The following GPHN variants were observed in gnomAD, a reference collection of about 807,000 sequenced individuals.
GPHN encodes the protein gephyrin.
GPHN carries 17 observed loss-of-function variants against 95.5 expected under a neutral mutation model. The observed-to-expected ratio is 0.18, with a 90% CI of 0.12 to 0.27. The LOEUF is 0.27. Among genes scored for constraint, GPHN ranks in the 10% least tolerant of loss-of-function variants. The probability of loss-of-function intolerance (pLI) is 1.00; values close to 1 mark genes in which losing one functional copy is unlikely to be tolerated. For synonymous variants in GPHN, 320 were observed against 322.5 expected (o/e 0.99, Z 0.08); for missense variants, 660 against 978.1 (o/e 0.67, Z 4.34).
rs989272221 is a variant in GPHN at position 67,031,456 on chromosome 14, G to A, written c.1006+7781G>A. Among the ~76,000 whole-genome samples the A allele has an allele frequency of 2.1e-4, 32 of 152,062 alleles. 1 individual carries two copies. The highest frequency in any genetic ancestry group is 7.7e-4 in the African/African-American group (32 of 41,480). On this transcript the variant is annotated intron_variant, in intron 10 of 22. Transcript: ENST00000478722. ...AGATTACCTTTCTTTATATAACTAAGGATAATTAGCAATTGACTTCCATAA... is the reference window on the plus strand; with the variant it reads ...AGATTACCTTTCTTTATATAACTAAAGATAATTAGCAATTGACTTCCATAA...
the GPHN span, among the ~76,000 whole-genome samples, chr14:67,553,141 A>C: frequency 7.2e-6 from 1 of 138,260 alleles, no homozygotes; most frequent in Non-Finnish European, 1.7e-5. Context: ...AGATGAAGTC[A>C]GAAAATATCA....
At chr14:67,451,348 G>A in the GPHN span, among the ~76,000 whole-genome samples, 1 of 152,188 alleles carries the variant, frequency 6.6e-6, no homozygotes, top group Non-Finnish European at 1.5e-5. Context: ...CATCCTCCAG[G>A]CCCCAGAATG....
At chr14:66,831,170 T>A (rs2061563484) in intron 4 of GPHN, among the ~76,000 whole-genome samples, 2 of 152,108 alleles carry the variant, frequency 1.3e-5, no homozygotes, top group Non-Finnish European at 2.9e-5. Flanking sequence ...ATTTTCACAA[T>A]CAGAAAACAC....
At chr14:67,166,814 C>T (rs1242564476) in intron 20 of GPHN, among the ~76,000 whole-genome samples, 4 of 152,250 alleles carry the variant, frequency 2.6e-5, no homozygotes, top group Non-Finnish European at 5.9e-5. Context: ...GGACTATAGG[C>T]GCTTGCTACC....
At chr14:67,301,157 T>G in the GPHN span, among the ~76,000 whole-genome samples, 1 of 152,184 alleles carries the variant, frequency 6.6e-6, no homozygotes, top group Admixed American at 6.5e-5. Context: ...ATGGAAGTAT[T>G]TTGTCTATAG....
intron 17 of GPHN, among the ~76,000 whole-genome samples, chr14:67,134,895 CTTT>C (rs893258977): frequency 3.9e-4 from 41 of 106,460 alleles, no homozygotes; most frequent in African/African-American, 1.3e-3. Flanking sequence ...CTTTTTTCTT[CTTT>C]ATCTTTCCTT....
At chr14:66,934,772 ACCACT>A (rs2067016083) in intron 8 of GPHN, among the ~76,000 whole-genome samples, 1 of 152,166 alleles carries the variant, frequency 6.6e-6, no homozygotes, top group African/African-American at 2.4e-5. Flanking sequence ...CATTTTGTGA[ACCACT>A]CATTCAAGCC....
At chr14:67,625,430 G>A in the GPHN span, among the ~76,000 whole-genome samples, 2 of 152,140 alleles carry the variant, frequency 1.3e-5, no homozygotes, top group African/African-American at 4.8e-5. Context: ...TGTAATCCCA[G>A]CACTTTGGGA....
At chr14:66,579,224 A>C (rs780048621) in intron 1 of GPHN, among the ~76,000 whole-genome samples, 2 of 151,966 alleles carry the variant, frequency 1.3e-5, no homozygotes, top group African/African-American at 2.4e-5. Flanking sequence ...TAAGTAAGAA[A>C]TCAAAGCATA....
chr14:66,826,996 G>A (rs1701875413), intron 4 of GPHN, among the ~76,000 whole-genome samples: 1 of 152,044 alleles, frequency 6.6e-6, no homozygotes, highest in Non-Finnish European at 1.5e-5. Context: ...GATCTGAAGA[G>A]GTTTGGGCCT....
At chr14:67,308,429 G>A in the GPHN span, among the ~76,000 whole-genome samples, 2 of 150,952 alleles carry the variant, frequency 1.3e-5, no homozygotes, top group South Asian at 2.1e-4. Flanking sequence ...TGTCTCCCAA[G>A]TACACTGTCC....
chr14:67,082,905 G>A (rs1298952869), intron 11 of GPHN, among the ~76,000 whole-genome samples: 1 of 152,066 alleles, frequency 6.6e-6, no homozygotes, highest in South Asian at 2.1e-4. Context: ...GGATATTTAG[G>A]TTTCCATCTT....
Position 66,923,013 on chromosome 14 carries a change from G to A in GPHN, c.729+75G>A, listed in dbSNP as rs565848408. The A allele has an allele frequency of 3.6e-5, 45 of 1,258,002 alleles. No individual in the cohort carries two copies. In the East Asian group the frequency reaches 7.6e-4, roughly 21 times the overall value. The allele number at this position is 1,258,002 out of a possible 1,614,324, so 77.9% of individuals were successfully genotyped here. ...GTACTGGTTTCATCTGTTTTGCATC[G>A]CATCCCTCCCTACATTTAATACTTC... On this transcript the variant is annotated intron_variant, in intron 7 of 22. Transcript: ENST00000478722.
chr14:67,359,442 C>T, the GPHN span, among the ~76,000 whole-genome samples: 23,527 of 151,924 alleles, frequency 0.15, 3,445 homozygotes, highest in East Asian at 0.42. Context: ...GGCGCCTTTT[C>T]CTACCGGCTG....
At chr14:67,644,416 T>G in the GPHN span, among the ~76,000 whole-genome samples, 69 of 152,218 alleles carry the variant, frequency 4.5e-4, no homozygotes, top group Non-Finnish European at 9.0e-4. Flanking sequence ...TCTAGTATTC[T>G]GACTTAATCC....
chr14:67,506,952 C>A, the GPHN span, among the ~76,000 whole-genome samples: 1 of 152,124 alleles, frequency 6.6e-6, no homozygotes, highest in Non-Finnish European at 1.5e-5. Flanking sequence ...CCACTGCATT[C>A]CAGCCTGGCG....
the GPHN span, among the ~76,000 whole-genome samples, chr14:67,398,702 G>A: frequency 1.8e-3 from 271 of 151,958 alleles, 1 homozygote; most frequent in African/African-American, 6.3e-3. Context: ...GACTACAAGC[G>A]TGTGCCACCA....
intron 13 of GPHN, among the ~76,000 whole-genome samples, chr14:67,105,099 G>A (rs1258652424): frequency 6.6e-6 from 1 of 151,814 alleles, no homozygotes; most frequent in Non-Finnish European, 1.5e-5. Flanking sequence ...TGATCCATTG[G>A]TTGCTCGGGA....
the GPHN span, among the ~76,000 whole-genome samples, chr14:67,654,083 G>A: frequency 6.6e-6 from 1 of 152,112 alleles, no homozygotes; most frequent in South Asian, 2.1e-4. Flanking sequence ...AGTGGCCTTG[G>A]TAAGCTGACC....
Sources: gnomAD v4.1 joint callset for allele counts (sites outside exome capture counted in the v4.1 genomes callset) on GRCh38, gnomAD v4.1.1 for gene constraint, MANE v1.5 for transcripts, NCBI Gene and HGNC (gene_info 2026-07-23, HGNC 2026-07-21) for gene names.